The following KATNAL2 variants were observed in gnomAD, a reference collection of about 807,000 sequenced individuals.
The protein encoded by KATNAL2 is katanin catalytic subunit A1 like 2, also known as katanin p60 ATPase-containing subunit A-like 2.
KATNAL2 carries 52 observed loss-of-function variants against 76.3 expected under a neutral mutation model. That is an observed-to-expected ratio of 0.68 (90% CI 0.55 to 0.86). The LOEUF (loss-of-function observed/expected upper bound fraction) is 0.86, where lower values mean the gene tolerates loss of function less well. KATNAL2 is among the 40% of genes least tolerant of loss of function. The pLI is 0.00. For synonymous variants in KATNAL2, 243 were observed against 244.2 expected (o/e 1.00, Z 0.05); for missense variants, 660 against 668.9 (o/e 0.99, Z 0.15).
intron 3 of KATNAL2, chr18:47,034,603 A>C (rs771933812): frequency 5.0e-6 from 8 of 1,614,032 alleles, no homozygotes; most frequent in East Asian, 2.2e-5. Flanking sequence ...GCTGTGGCTC[A>C]CAACGGCTTT....
chr18:47,100,829 C>G, intron 17 of KATNAL2, 37 bp from the exon 18 acceptor site: 1 of 1,612,812 alleles, frequency 6.2e-7, no homozygotes, highest in Non-Finnish European at 8.5e-7. Flanking sequence ...ACCAAGAGGT[C>G]GATTGTTGTG....
intron 15 of KATNAL2, among the ~76,000 whole-genome samples, chr18:47,090,948 C>G (rs1306227584): frequency 6.6e-6 from 1 of 152,206 alleles, no homozygotes; most frequent in African/African-American, 2.4e-5. Flanking sequence ...CCAGAGTTGT[C>G]CTGACCACTC....
At chr18:46,957,356 G>A (rs1282677657) in intron 3 of KATNAL2, among the ~76,000 whole-genome samples, 3 of 142,172 alleles carry the variant, frequency 2.1e-5, no homozygotes, top group East Asian at 4.5e-4. Context: ...CGGGGTTCAC[G>A]CCATTCTCTT....
intron 3 of KATNAL2, among the ~76,000 whole-genome samples, chr18:47,038,035 A>T (rs1278020146): frequency 6.6e-6 from 1 of 152,056 alleles, no homozygotes; most frequent in Non-Finnish European, 1.5e-5. Flanking sequence ...GTTCTAAAGG[A>T]CTCAGCCAAT....
intron 1 of KATNAL2, among the ~76,000 whole-genome samples, chr18:46,928,027 C>T (rs2058783466): frequency 6.6e-6 from 1 of 152,070 alleles, no homozygotes; most frequent in Non-Finnish European, 1.5e-5. Context: ...GCCATTGGTT[C>T]GAATTTCCTC....
In KATNAL2 at chr18:47,035,102, G is replaced by A. The variant is rs150598803; in HGVS notation, c.52-11355G>A. ...CCCACGTGCTGGTGCTTCCGCAGGC[G>A]CTTCACCGTCTTTCTGATTCCAGTC... On this transcript the variant is annotated intron_variant, in intron 3 of 17. Transcript: ENST00000683218. The A allele has an allele frequency of 1.4e-5, 22 of 1,611,062 alleles. No homozygotes were observed. In the African/African-American group the frequency reaches 1.5e-4, roughly 11 times the overall value.
intron 15 of KATNAL2, chr18:47,084,357 GGAA>G: frequency 1.4e-6 from 1 of 702,862 alleles, no homozygotes; most frequent in Non-Finnish European, 2.6e-6. Context: ...TTGGGCTCCA[GGAA>G]GAAGCTGTCC....
rs74399505 is a variant in KATNAL2, at chr18:46,961,990, G to C, written c.51+15067G>C. On this transcript the variant is annotated intron_variant, in intron 3 of 17. Transcript: ENST00000683218. ...GCGGAAAGAGCTACAGTTATCTTCA[G>C]GCATTAACATTTTTCCTTTCTAAGT... Among the ~76,000 whole-genome samples, 93 of 152,280 alleles carry C rather than the reference G, an allele frequency of 6.1e-4. 1 individual carries two copies. The East Asian group carries it at 0.016, about 26-fold the overall frequency.
intron 15 of KATNAL2, among the ~76,000 whole-genome samples, chr18:47,096,561 G>C (rs749497463): frequency 2.0e-5 from 3 of 152,050 alleles, no homozygotes; most frequent in Non-Finnish European, 4.4e-5. Flanking sequence ...CATAGTCAGC[G>C]AATCTTCTAC....
At chr18:47,053,743 G>A (rs921678790) in intron 5 of KATNAL2, among the ~76,000 whole-genome samples, 1 of 152,202 alleles carries the variant, frequency 6.6e-6, no homozygotes, top group African/African-American at 2.4e-5. Flanking sequence ...ATTTAAAATA[G>A]CCAGGGCCAG....
intron 1 of KATNAL2, among the ~76,000 whole-genome samples, chr18:46,922,705 G>T (rs950750320): frequency 6.6e-6 from 1 of 151,792 alleles, no homozygotes; most frequent in Non-Finnish European, 1.5e-5. Flanking sequence ...GCTGAAGCAG[G>T]AGAATCGCTT....
At chr18:47,075,161 T>C (rs987987877) in intron 13 of KATNAL2, 116 bp from the exon 14 acceptor site, 2 of 724,644 alleles carry the variant, frequency 2.8e-6, no homozygotes, top group African/African-American at 3.8e-5. Flanking sequence ...TTTTGTGAAA[T>C]AACAGAGTGC....
chr18:47,035,221 T>A lies in KATNAL2; in HGVS notation c.52-11236T>A, dbSNP rs545181502. On this transcript the variant is annotated intron_variant, in intron 3 of 17. Coordinates refer to ENST00000683218, the MANE Select transcript of KATNAL2 (RefSeq NM_001387690.1). ...CTCCGTCTTAGTGGCCAGACGCACC[T>A]GCAGCTTCTCCACTGCGTGCAGCGT... The A allele has an allele frequency of 4.3e-6, 7 of 1,612,808 alleles. No homozygotes were observed. The Admixed American group carries it at 1.0e-4, about 23-fold the overall frequency.
rs112427539 is a variant in KATNAL2 at position 46,919,007 on chromosome 18, ATGTGTG to A, written c.-510+1101_-510+1106del. Among the ~76,000 whole-genome samples, 104 of 143,306 alleles carry A rather than the reference ATGTGTG, an allele frequency of 7.3e-4. 1 individual carries two copies. The highest frequency in any genetic ancestry group is 5.0e-3 in the East Asian group (25 of 4,952). The allele number at this position is 143,306 out of a possible 152,430, so 94.0% of individuals were successfully genotyped here. ...TATGTGTGTGCGTGTATATATATAT[ATGTGTG>A]TGTGTGTGTGTGTGTGTGTTGTGTA... On this transcript the variant is annotated intron_variant, in intron 1 of 17. Coordinates refer to ENST00000683218, the MANE Select transcript of KATNAL2 (RefSeq NM_001387690.1).
At chr18:46,931,370 G>C (rs2058917064) in intron 1 of KATNAL2, among the ~76,000 whole-genome samples, 1 of 151,616 alleles carries the variant, frequency 6.6e-6, no homozygotes, top group South Asian at 2.1e-4. Flanking sequence ...AATTTAAAAA[G>C]GCAGGGTGTG....
rs932705286 is a variant in KATNAL2 at position 47,046,478 on chromosome 18, C to T, written c.73C>T (p.Arg25Ter). The T allele has an allele frequency of 8.5e-6, 13 of 1,535,858 alleles. No homozygotes were observed. The highest frequency in any genetic ancestry group is 1.7e-4 in the Middle Eastern group (1 of 5,986). Residue 25 changes from arginine (R) to a stop codon, truncating the protein, a stop_gained, in exon 4 of 18, where the codon CGA becomes TGA. Transcript: ENST00000683218. LOFTEE classifies it high-confidence loss of function. ...REACEMRTEARRKNLLILISH... is the reference protein window; with the variant it reads ...REACEMRTEA ...CCAGTGCGAGATGAGGACAGAAGCA[C>T]GACGAAAAAATCTTCTCATTTTGAT...
intron 3 of KATNAL2, among the ~76,000 whole-genome samples, chr18:46,961,880 T>C (rs1397350244): frequency 1.3e-5 from 2 of 152,234 alleles, no homozygotes; most frequent in Non-Finnish European, 2.9e-5. Context: ...CCTGCAACCG[T>C]ATGATATGAT....
chr18:47,096,447 C>T (rs1296503085), intron 15 of KATNAL2, among the ~76,000 whole-genome samples: 2 of 152,088 alleles, frequency 1.3e-5, no homozygotes, highest in Non-Finnish European at 2.9e-5. Flanking sequence ...GCTCAGGTGA[C>T]TCTCCTACCT....
At chr18:47,058,167 A>G (rs534483109) in intron 6 of KATNAL2, 68 bp from the exon 7 acceptor site, 504 of 1,037,348 alleles carry the variant, frequency 4.9e-4, no homozygotes, top group Non-Finnish European at 5.7e-4. Flanking sequence ...TCTTAAGAAT[A>G]GTTGTTTAAC....
Sources: gnomAD v4.1 joint callset for allele counts (sites outside exome capture counted in the v4.1 genomes callset) on GRCh38, gnomAD v4.1.1 for gene constraint, MANE v1.5 for transcripts, NCBI Gene and HGNC (gene_info 2026-07-23, HGNC 2026-07-21) for gene names.